The following AK9 variants were observed in gnomAD, a reference collection of about 807,000 sequenced individuals.
AK9 encodes the protein adenylate kinase domain containing 1.
A neutral mutation model predicts 239.6 loss-of-function variants in AK9; 191 were observed. That is an observed-to-expected ratio of 0.80 (90% CI 0.71 to 0.90). The LOEUF (loss-of-function observed/expected upper bound fraction) is 0.90. Among genes scored for constraint, AK9 ranks in the 40% least tolerant of loss-of-function variants. The pLI is 0.00. For missense variants in AK9, 1,995 were observed against 2,214.7 expected (o/e 0.90, Z 1.99); for synonymous variants, 689 against 721.0 (o/e 0.96, Z 0.71).
intron 39 of AK9, 102 bp downstream of exon 39, chr6:109,495,236 C>T (rs1445890605): frequency 2.1e-6 from 2 of 946,182 alleles, no homozygotes; most frequent in Admixed American, 3.0e-5. Context: ...AATCAGAAAA[C>T]TCTGCCTTGA....
rs1352556177 is a variant in AK9, at chr6:109,497,346, A to ACG, written c.5315+118_5315+119insCG. 10 of 612,318 alleles carry ACG rather than the reference A, an allele frequency of 1.6e-5. No homozygotes were observed. In the East Asian group the frequency reaches 3.5e-4, roughly 21 times the overall value. 37.9% of individuals were successfully genotyped at this position (612,318 alleles called of 1,614,324 possible). ...CTTGTTCACACACACACACACACAC[A>ACG]CACACACACACACACACTCTCTCTC... On this transcript the variant is annotated intron_variant, in intron 38 of 40. Coordinates refer to ENST00000424296, the MANE Select transcript of AK9 (RefSeq NM_001145128.3).
At chr6:109,646,953 T>C (rs553454626) in intron 8 of AK9, among the ~76,000 whole-genome samples, 1 of 151,788 alleles carries the variant, frequency 6.6e-6, no homozygotes, top group Non-Finnish European at 1.5e-5. Context: ...TTAAAGAAAA[T>C]AATTTTCAAC....
At chr6:109,610,660 G>A in intron 16 of AK9, 147 bp from the exon 17 acceptor site, 2 of 915,230 alleles carry the variant, frequency 2.2e-6, no homozygotes, top group Non-Finnish European at 3.2e-6. Context: ...GGAGAAATAA[G>A]ACTCTGGAGA....
rs961699826 is a variant in AK9 at position 109,495,443 on chromosome 6, A to C, written c.5316-3T>G. 8.7e-6 allele frequency: 14 copies of C among 1,607,550 alleles called. No individual in the cohort carries two copies. The highest frequency in any genetic ancestry group is 1.1e-5 in the Non-Finnish European group (13 of 1,175,648). On this transcript the variant is annotated splice_polypyrimidine_tract_variant and splice_region_variant and intron_variant, in intron 38 of 40. Coordinates refer to ENST00000424296, the MANE Select transcript of AK9 (RefSeq NM_001145128.3). Reference sequence around the variant, plus strand: ...GTTCCCAGTATTTCAGTGGCGACCTAAGAACACAAAGTTCATTAGATGGAT... The same window carrying C: ...GTTCCCAGTATTTCAGTGGCGACCTCAGAACACAAAGTTCATTAGATGGAT...
chr6:109,656,033 A>C (rs1373797596), intron 8 of AK9, among the ~76,000 whole-genome samples: 1 of 152,208 alleles, frequency 6.6e-6, no homozygotes, highest in East Asian at 1.9e-4. Flanking sequence ...TTTCTCTATC[A>C]TATGGGAATA....
chr6:109,498,686 ACT>A (rs1273627489), intron 36 of AK9, among the ~76,000 whole-genome samples: 5 of 152,176 alleles, frequency 3.3e-5, no homozygotes, highest in African/African-American at 1.2e-4. Context: ...ATTTCTACTG[ACT>A]CTGATTCCCT....
intron 8 of AK9, among the ~76,000 whole-genome samples, chr6:109,651,429 G>A (rs1254423304): frequency 2.0e-5 from 3 of 152,070 alleles, no homozygotes; most frequent in African/African-American, 7.2e-5. Context: ...GTGTTTAGAG[G>A]GAAATTTATA....
At chr6:109,501,708 C>G (rs1777622352) in intron 35 of AK9, among the ~76,000 whole-genome samples, 2 of 152,198 alleles carry the variant, frequency 1.3e-5, no homozygotes, top group Non-Finnish European at 1.5e-5. Flanking sequence ...TAAGACTCAT[C>G]AGAGTCAGCA....
chr6:109,616,373 A>C (rs1238605869), intron 13 of AK9, among the ~76,000 whole-genome samples: 1 of 152,080 alleles, frequency 6.6e-6, no homozygotes, highest in Non-Finnish European at 1.5e-5. Flanking sequence ...GATGCTGGCA[A>C]TACATTTGAT....
intron 8 of AK9, among the ~76,000 whole-genome samples, chr6:109,646,579 T>C (rs1021796831): frequency 6.6e-6 from 1 of 151,998 alleles, no homozygotes; most frequent in South Asian, 2.1e-4. Flanking sequence ...CCAAGAAATA[T>C]GGGACTATGT....
chr6:109,586,825 T>C (rs1214128649), intron 17 of AK9, among the ~76,000 whole-genome samples: 1 of 152,200 alleles, frequency 6.6e-6, no homozygotes, highest in Non-Finnish European at 1.5e-5. Flanking sequence ...AAATTAGTAA[T>C]GTGTATCTAT....
At chr6:109,565,204 A>T (rs1232726679) in intron 21 of AK9, among the ~76,000 whole-genome samples, 1 of 152,220 alleles carries the variant, frequency 6.6e-6, no homozygotes, top group Non-Finnish European at 1.5e-5. Context: ...GAAGCCAGGC[A>T]TAGTGAATTG....
chr6:109,591,449 T>C (rs1790234485), intron 17 of AK9, among the ~76,000 whole-genome samples: 1 of 152,152 alleles, frequency 6.6e-6, no homozygotes, highest in Non-Finnish European at 1.5e-5. Flanking sequence ...CAGCACATGG[T>C]TGGATTTTTT....
intron 5 of AK9, among the ~76,000 whole-genome samples, chr6:109,670,065 A>T (rs1483047448): frequency 6.6e-6 from 1 of 152,114 alleles, no homozygotes; most frequent in Non-Finnish European, 1.5e-5. Flanking sequence ...AATGTGGGAA[A>T]CTCTACAAGA....
chr6:109,496,144 A>G (rs1015079184), intron 38 of AK9, among the ~76,000 whole-genome samples: 4 of 152,238 alleles, frequency 2.6e-5, no homozygotes, highest in African/African-American at 9.6e-5. Context: ...GATTTGATCC[A>G]CATGTATTTT....
chr6:109,650,588 A>C (rs969902426), intron 8 of AK9, among the ~76,000 whole-genome samples: 41 of 152,148 alleles, frequency 2.7e-4, no homozygotes, highest in African/African-American at 8.2e-4. Flanking sequence ...ACAACAGGTG[A>C]TGGAGAGGAT....
chr6:109,561,551 T>A (rs1785781944), intron 24 of AK9, among the ~76,000 whole-genome samples: 1 of 151,938 alleles, frequency 6.6e-6, no homozygotes, highest in East Asian at 1.9e-4. Context: ...TGAGCTGAAG[T>A]GATGTGCCTG....
chr6:109,524,127 A>G (rs1780170342), intron 29 of AK9, among the ~76,000 whole-genome samples: 1 of 152,200 alleles, frequency 6.6e-6, no homozygotes, highest in Non-Finnish European at 1.5e-5. Flanking sequence ...AGGAAAATAC[A>G]CTTATAATAA....
chr6:109,535,924 G>A lies in AK9; in HGVS notation c.3351-2454C>T, dbSNP rs139057075. Among the ~76,000 whole-genome samples, 173 of 152,224 alleles carry A rather than the reference G, an allele frequency of 1.1e-3. 2 individuals carry two copies. Among genetic ancestry groups the A allele is most frequent in the Middle Eastern group, 3.4e-3 (1 of 294 alleles). ...AAAGATCAGATGGTTGTAGATGTGT[G>A]GTATTACCTCTGAGGGCTCTGTTGT... On this transcript the variant is annotated intron_variant, in intron 27 of 40. Coordinates refer to ENST00000424296, the MANE Select transcript of AK9 (RefSeq NM_001145128.3).
Sources: allele counts gnomAD v4.1 joint callset (sites outside exome capture counted in the v4.1 genomes callset), GRCh38; gene constraint gnomAD v4.1.1; transcripts MANE v1.5; gene names NCBI Gene and HGNC (gene_info 2026-07-23, HGNC 2026-07-21).